RFX3: variants seen among roughly 807,000 people sequenced by gnomAD.
RFX3 encodes regulatory factor X3.
A neutral mutation model predicts 98.6 loss-of-function variants in RFX3; 14 were observed. The ratio of observed to expected loss-of-function variants is 0.14; its 90% CI spans 0.09 to 0.22. The LOEUF (loss-of-function observed/expected upper bound fraction) is 0.22, where lower values mean the gene tolerates loss of function less well. Among genes scored for constraint, RFX3 ranks in the 10% least tolerant of loss-of-function variants. The pLI, the probability that RFX3 is intolerant of heterozygous loss-of-function variation, is 1.00. For synonymous variants in RFX3, 383 were observed against 328.4 expected (o/e 1.17, Z -1.80); for missense variants, 639 against 926.9 (o/e 0.69, Z 4.03).
chr9:3,525,230 G>GAAC (rs375868197), intron 1 of RFX3, among the ~76,000 whole-genome samples: 17 of 152,110 alleles, frequency 1.1e-4, no homozygotes, highest in East Asian at 1.9e-4. Context: ...CCCCACAAGT[G>GAAC]AACAACAACA....
At chr9:3,485,980 C>T (rs1850233032) in intron 1 of RFX3, among the ~76,000 whole-genome samples, 1 of 151,714 alleles carries the variant, frequency 6.6e-6, no homozygotes, top group South Asian at 2.1e-4. Flanking sequence ...CAAAATTAGC[C>T]AGGCATGGTG....
At chr9:3,519,236 A>C (rs941108366) in intron 1 of RFX3, among the ~76,000 whole-genome samples, 1 of 152,198 alleles carries the variant, frequency 6.6e-6, no homozygotes, top group African/African-American at 2.4e-5. Flanking sequence ...TAAAACTAAA[A>C]CATAACTTTG....
rs370004217 is a variant in RFX3, at chr9:3,431,230, G to A, written c.-8-35634C>T. 5.9e-5 allele frequency among the ~76,000 whole-genome samples: 9 copies of A among 152,066 alleles called. No individual in the cohort carries two copies. In the South Asian group the frequency reaches 6.2e-4, roughly 11 times the overall value. ...AAAAGTGATCTCTTACAGTTCTCAC[G>A]TATTTTTCATCATATTTAGTGCAAT... On this transcript the variant is annotated intron_variant, in intron 1 of 16. Coordinates refer to ENST00000617270, the MANE Select transcript of RFX3 (RefSeq NM_001282116.2).
In RFX3 at chr9:3,317,237, T is replaced by C. The variant is rs142213133; in HGVS notation, c.474+13022A>G. ...CCACACATCTATAACCATCTGATCTTTGACAAATTTGACAAAAGCAAGAAA... is the reference window on the plus strand; with the variant it reads ...CCACACATCTATAACCATCTGATCTCTGACAAATTTGACAAAAGCAAGAAA... On this transcript the variant is annotated intron_variant, in intron 4 of 16. Coordinates refer to ENST00000617270, the MANE Select transcript of RFX3 (RefSeq NM_001282116.2). 1.8e-3 allele frequency among the ~76,000 whole-genome samples: 271 copies of C among 152,310 alleles called. 1 individual carries two copies. The highest frequency in any genetic ancestry group is 6.8e-3 in the Middle Eastern group (2 of 294).
intron 3 of RFX3, among the ~76,000 whole-genome samples, chr9:3,341,018 C>A (rs111864204): frequency 0.022 from 3,304 of 152,178 alleles, 120 homozygotes; most frequent in African/African-American, 0.075. Flanking sequence ...TGTCCAACAA[C>A]AATAGACTGG....
Position 3,275,418 on chromosome 9 carries a change from A to G in RFX3, c.1086+82T>C, listed in dbSNP as rs78107985. ...TTAGTGCTAAGTTCACCTGTCCTTT[A>G]GGAATAAGCTTGATTATTTTATATT... On this transcript the variant is annotated intron_variant, in intron 9 of 16. Transcript: ENST00000617270. The G allele has an allele frequency of 1.5e-3, 1,136 of 754,852 alleles. 12 individuals carry two copies. In the African/African-American group the frequency reaches 0.018, roughly 12 times the overall value. The allele number at this position is 754,852 out of a possible 1,614,324, so 46.8% of individuals were successfully genotyped here. A position where few individuals can be genotyped will look rare whatever the true frequency, so the allele number is the denominator to read the frequency against.
At chr9:3,408,522 C>T (rs915803928) in intron 1 of RFX3, among the ~76,000 whole-genome samples, 6 of 152,090 alleles carry the variant, frequency 3.9e-5, no homozygotes. Context: ...TTTCAAGTCT[C>T]ACCCAGGCCT....
chr9:3,361,342 GA>G (rs1305813053), intron 2 of RFX3, among the ~76,000 whole-genome samples: 1 of 152,114 alleles, frequency 6.6e-6, no homozygotes, highest in Non-Finnish European at 1.5e-5. Context: ...ACAGGGAAAT[GA>G]AGCAATTGAG....
At chr9:3,256,319 G>C (rs1822138718) in intron 14 of RFX3, among the ~76,000 whole-genome samples, 1 of 143,542 alleles carries the variant, frequency 7.0e-6, no homozygotes, top group Non-Finnish European at 1.5e-5. Flanking sequence ...TAGGTCTTGG[G>C]AGGCACCTAG....
At chr9:3,429,931 G>A (rs897449950) in intron 1 of RFX3, among the ~76,000 whole-genome samples, 1 of 152,158 alleles carries the variant, frequency 6.6e-6, no homozygotes, top group Non-Finnish European at 1.5e-5. Flanking sequence ...CCCACTTGCA[G>A]AGCCAAGATA....
chr9:3,350,901 G>A (rs930434966), intron 2 of RFX3, among the ~76,000 whole-genome samples: 5 of 151,952 alleles, frequency 3.3e-5, no homozygotes, highest in South Asian at 2.1e-4. Context: ...TCAAATGACC[G>A]AGACAGTAAA....
chr9:3,488,674 G>T, intron 1 of RFX3: 1 of 407,326 alleles, frequency 2.5e-6, no homozygotes, highest in Non-Finnish European at 3.3e-6. Flanking sequence ...ATGTTGTCAA[G>T]GCCTTAGACA....
At chr9:3,256,308 G>C (rs532928856) in intron 14 of RFX3, among the ~76,000 whole-genome samples, 1 of 148,978 alleles carries the variant, frequency 6.7e-6, no homozygotes, top group Non-Finnish European at 1.5e-5. Flanking sequence ...TTTTGATTTA[G>C]TAGGTCTTGG....
rs557479310 is a variant in RFX3 at position 3,218,867 on chromosome 9, A to T, written c.*6175T>A. 6.6e-6 allele frequency: 1 copy of T among 152,294 alleles called. No individual in the cohort carries two copies. Among genetic ancestry groups the T allele is most frequent in the East Asian group, 1.9e-4 (1 of 5,192 alleles). The allele number at this position is 152,294 out of a possible 1,614,324, so 9.4% of individuals were successfully genotyped here. Reference sequence around the variant, plus strand: ...CTGTGCTTGTGGGACTGAATAATGTAATCTGCCACTTACTAAGTGAAATTT... The same window carrying T: ...CTGTGCTTGTGGGACTGAATAATGTTATCTGCCACTTACTAAGTGAAATTT... On this transcript the variant is annotated 3_prime_UTR_variant, in exon 17 of 17. Transcript: ENST00000617270.
At chr9:3,469,044 G>A in intron 1 of RFX3, 1 of 343,062 alleles carries the variant, frequency 2.9e-6, no homozygotes, top group Non-Finnish European at 5.9e-6. Flanking sequence ...AAAATGCAAA[G>A]CATCTCCAGA....
intron 1 of RFX3, among the ~76,000 whole-genome samples, chr9:3,507,666 CATAGT>C (rs1288788917): frequency 6.6e-6 from 1 of 151,896 alleles, no homozygotes; most frequent in Non-Finnish European, 1.5e-5. Context: ...TATAAAATAG[CATAGT>C]ATTTGTGTAT....
intron 1 of RFX3, among the ~76,000 whole-genome samples, chr9:3,426,529 G>A (rs974738447): frequency 2.6e-5 from 4 of 152,002 alleles, no homozygotes; most frequent in Admixed American, 2.6e-4. Flanking sequence ...GAGGTGAGCA[G>A]GAGGTGAGCA....
intron 1 of RFX3, among the ~76,000 whole-genome samples, chr9:3,468,247 T>G (rs1848482785): frequency 6.6e-6 from 1 of 152,230 alleles, no homozygotes; most frequent in Admixed American, 6.5e-5. Context: ...CAATTTGATC[T>G]AAAATTTGTA....
intron 1 of RFX3, among the ~76,000 whole-genome samples, chr9:3,500,592 T>C (rs1212128072): frequency 6.6e-6 from 1 of 152,184 alleles, no homozygotes; most frequent in Non-Finnish European, 1.5e-5. Context: ...ATTTGAATAC[T>C]TTCTAGTTCT....
Sources: gnomAD v4.1 joint callset for allele counts (sites outside exome capture counted in the v4.1 genomes callset) on GRCh38, gnomAD v4.1.1 for gene constraint, MANE v1.5 for transcripts, NCBI Gene and HGNC (gene_info 2026-07-23, HGNC 2026-07-21) for gene names.